CAMKK2: variants seen among roughly 807,000 people sequenced by gnomAD.
CAMKK2 encodes calcium/calmodulin-dependent protein kinase kinase 2.
Under a neutral mutation model 67.2 loss-of-function variants are expected in CAMKK2, and 30 were observed. That is an observed-to-expected ratio of 0.45 (90% CI 0.33 to 0.61). The LOEUF (loss-of-function observed/expected upper bound fraction) is 0.61. Ranked by LOEUF, CAMKK2 falls within the 20% of genes least tolerant of loss-of-function variation. The pLI, the probability that CAMKK2 is intolerant of heterozygous loss-of-function variation, is 0.02. For missense variants in CAMKK2, 643 were observed against 802.0 expected, an observed-to-expected ratio of 0.80 and a Z score of 2.39; for synonymous variants, 322 against 326.2, an observed-to-expected ratio of 0.99 and a Z score of 0.14.
At chr12:121,261,552 G>C (rs1893463888) in intron 6 of CAMKK2, among the ~76,000 whole-genome samples, 1 of 152,188 alleles carries the variant, frequency 6.6e-6, no homozygotes, top group Admixed American at 6.5e-5. Flanking sequence ...CCCAAGAAAG[G>C]GAGGCACCCT....
rs780877435 is a variant in CAMKK2, at chr12:121,240,875, C to A, written c.1597-6G>T. The A allele has an allele frequency of 6.2e-7, 1 of 1,612,066 alleles. No individual in the cohort carries two copies. Among genetic ancestry groups the A allele is most frequent in the Non-Finnish European group, 8.5e-7 (1 of 1,179,868 alleles). On this transcript the variant is annotated splice_polypyrimidine_tract_variant and splice_region_variant and intron_variant, in intron 16 of 16. Transcript: ENST00000404169. The surrounding 1 kb of genome is among the most constrained non-coding windows in gnomAD (Gnocchi z 4.4). The stretch of plus-strand genomic sequence containing the variant: ...TGTCTTCGCTGCCTTGCTTCCTGCT[C>A]ACCGAACAGAAAACCAACATTAAGA...
At chr12:121,283,034 C>T (rs1898088781) in intron 1 of CAMKK2, among the ~76,000 whole-genome samples, 1 of 152,210 alleles carries the variant, frequency 6.6e-6, no homozygotes, top group Non-Finnish European at 1.5e-5. Context: ...AGATTACAGG[C>T]ATGAGCCACC....
chr12:121,258,819 C>T (rs1371064432), intron 7 of CAMKK2, among the ~76,000 whole-genome samples: 1 of 151,694 alleles, frequency 6.6e-6, no homozygotes, highest in African/African-American at 2.4e-5. Context: ...CAATGGCTTC[C>T]ATCACTCTCA....
At chr12:121,280,358 TGTCA>T (rs983096833) in intron 1 of CAMKK2, among the ~76,000 whole-genome samples, 12 of 152,360 alleles carry the variant, frequency 7.9e-5, no homozygotes, top group African/African-American at 2.4e-4. Context: ...CTCTTAATCC[TGTCA>T]GTTGAGGAGG....
At chr12:121,275,382 G>A (rs764568730) in intron 1 of CAMKK2, among the ~76,000 whole-genome samples, 38 of 151,462 alleles carry the variant, frequency 2.5e-4, no homozygotes, top group Non-Finnish European at 5.2e-4. Flanking sequence ...TACTCAGGAG[G>A]CTGAGGCAGG....
At chr12:121,248,473 C>T in intron 14 of CAMKK2, 133 bp downstream of exon 14, 3 of 993,586 alleles carry the variant, frequency 3.0e-6, no homozygotes, top group South Asian at 3.0e-5. Context: ...GGCCCAGAGG[C>T]CAGCAGCTGT....
chr12:121,256,488 ATC>A (rs1431394312), intron 7 of CAMKK2, among the ~76,000 whole-genome samples: 2 of 152,196 alleles, frequency 1.3e-5, no homozygotes, highest in Non-Finnish European at 2.9e-5. Flanking sequence ...CATCACAACT[ATC>A]TAGTTCCAGA....
intron 1 of CAMKK2, among the ~76,000 whole-genome samples, chr12:121,282,391 G>T (rs1049099198): frequency 6.6e-6 from 1 of 152,132 alleles, no homozygotes; most frequent in African/African-American, 2.4e-5. Context: ...AATGTTATGT[G>T]GCAGTTCTAA....
chr12:121,271,007 CG>C, intron 2 of CAMKK2, 62 bp from the exon 3 acceptor site: 1 of 1,362,580 alleles, frequency 7.3e-7, no homozygotes, highest in East Asian at 2.3e-5. Context: ...AGGCCAGGCA[CG>C]GTGGCTCACA....
intron 1 of CAMKK2, among the ~76,000 whole-genome samples, chr12:121,281,931 G>C (rs896579635): frequency 1.3e-5 from 2 of 152,318 alleles, no homozygotes; most frequent in East Asian, 3.9e-4. Flanking sequence ...GGGTGACAAA[G>C]CGAGAGTCCA....
At chr12:121,290,810 G>T (rs551768659) in intron 1 of CAMKK2, among the ~76,000 whole-genome samples, 3 of 152,250 alleles carry the variant, frequency 2.0e-5, no homozygotes, top group Admixed American at 2.0e-4. Context: ...TTGTTTTGTT[G>T]TTATTGTTTT....
At chr12:121,281,714 G>A (rs1409108734) in intron 1 of CAMKK2, among the ~76,000 whole-genome samples, 4 of 152,194 alleles carry the variant, frequency 2.6e-5, no homozygotes, top group African/African-American at 2.4e-5. Flanking sequence ...TTGGGAGGCC[G>A]AGACGGGTGG....
rs79803168 is a variant in CAMKK2, at chr12:121,241,314, G to A, written c.1597-445C>T. 4.7e-4 allele frequency among the ~76,000 whole-genome samples: 72 copies of A among 152,312 alleles called. No homozygotes were observed. In the East Asian group the frequency reaches 0.013, roughly 28 times the overall value. ...CCAGATGTTGAGTTCCTTGTGTGTGGGGGTGATCAGAGCCTCCCCTGCCTG... is the reference window on the plus strand; with the variant it reads ...CCAGATGTTGAGTTCCTTGTGTGTGAGGGTGATCAGAGCCTCCCCTGCCTG... On this transcript the variant is annotated intron_variant, in intron 16 of 16. Coordinates refer to ENST00000404169, the MANE Select transcript of CAMKK2 (RefSeq NM_001270485.2).
At chr12:121,248,491 G>C in intron 14 of CAMKK2, 115 bp downstream of exon 14, 2 of 1,213,356 alleles carry the variant, frequency 1.6e-6, no homozygotes, top group Non-Finnish European at 1.2e-6. Flanking sequence ...TGTGGATTAG[G>C]GGTGGCCCCC....
intron 2 of CAMKK2, among the ~76,000 whole-genome samples, chr12:121,273,025 G>A (rs1896069048): frequency 6.6e-6 from 1 of 152,148 alleles, no homozygotes; most frequent in South Asian, 2.1e-4. Flanking sequence ...AGGGTGTGGA[G>A]GTGGATGAAA....
At chr12:121,248,875 G>T in intron 13 of CAMKK2, 141 bp from the exon 14 acceptor site, 1 of 923,506 alleles carries the variant, frequency 1.1e-6, no homozygotes, top group Non-Finnish European at 1.7e-6. Flanking sequence ...GCGAGCAGAG[G>T]GCAGGGGTGA....
At chr12:121,249,191 G>A (rs1359531926) in intron 13 of CAMKK2, among the ~76,000 whole-genome samples, 1 of 152,216 alleles carries the variant, frequency 6.6e-6, no homozygotes, top group African/African-American at 2.4e-5. Context: ...TGCCCCCTTG[G>A]GTCCAAGCCC....
chr12:121,263,216 G>C (rs927970848), intron 6 of CAMKK2, among the ~76,000 whole-genome samples: 15 of 151,962 alleles, frequency 9.9e-5, no homozygotes, highest in African/African-American at 3.4e-4. Flanking sequence ...GCAGGGGCTG[G>C]CAAACTACAG....
intron 1 of CAMKK2, among the ~76,000 whole-genome samples, chr12:121,284,309 G>GTTTATT (rs543885134): frequency 1.3e-5 from 2 of 152,180 alleles, no homozygotes; most frequent in Non-Finnish European, 2.9e-5. Flanking sequence ...TGTTGTTCTT[G>GTTTATT]TTTATTTTTA....
Sources: gnomAD v4.1 joint callset for allele counts (sites outside exome capture counted in the v4.1 genomes callset) on GRCh38, gnomAD v4.1.1 for gene constraint, Gnocchi (gnomAD v3.1) non-coding constraint, MANE v1.5 for transcripts, NCBI Gene and HGNC (gene_info 2026-07-23, HGNC 2026-07-21) for gene names.